The following HCN1 variants were observed in gnomAD, a reference collection of about 807,000 sequenced individuals.
HCN1 encodes the protein potassium/sodium hyperpolarization-activated cyclic nucleotide-gated channel 1.
In HCN1, 13 loss-of-function variants were observed where a neutral mutation model predicts 78.9. The observed-to-expected ratio is 0.16, with a 90% CI of 0.11 to 0.26. HCN1 has a LOEUF of 0.26. Ranked by LOEUF, HCN1 falls within the 10% of genes least tolerant of loss-of-function variation. The pLI is 1.00. For synonymous variants in HCN1, 552 were observed against 455.5 expected (o/e 1.21, Z -2.70); for missense variants, 810 against 1,154.3 (o/e 0.70, Z 4.32).
chr5:45,604,515 G>T (rs181716470), intron 2 of HCN1, among the ~76,000 whole-genome samples: 1 of 151,900 alleles, frequency 6.6e-6, no homozygotes, highest in Non-Finnish European at 1.5e-5. Flanking sequence ...GTGACAAAGC[G>T]TCTATGAACT....
At chr5:45,499,604 G>C (rs1742147339) in intron 2 of HCN1, among the ~76,000 whole-genome samples, 1 of 152,060 alleles carries the variant, frequency 6.6e-6, no homozygotes, top group Admixed American at 6.5e-5. Flanking sequence ...TGGCCATCTT[G>C]GCTCCTCCCC....
At chr5:45,574,539 T>C (rs991346074) in intron 2 of HCN1, 1 of 152,090 alleles carries the variant, frequency 6.6e-6, no homozygotes, top group African/African-American at 2.4e-5. Flanking sequence ...ACAACAATAT[T>C]GTAATTAGTC....
intron 6 of HCN1, among the ~76,000 whole-genome samples, chr5:45,298,418 C>CTGA (rs1043647711): frequency 6.6e-6 from 1 of 151,808 alleles, no homozygotes; most frequent in African/African-American, 2.4e-5. Context: ...TAATTTTAGA[C>CTGA]TGATAGGAAC....
At chr5:45,537,662 C>T (rs1222835764) in intron 2 of HCN1, among the ~76,000 whole-genome samples, 1 of 150,506 alleles carries the variant, frequency 6.6e-6, no homozygotes, top group Non-Finnish European at 1.5e-5. Flanking sequence ...CTCAACCTCC[C>T]GAGTAGCTGG....
At chr5:45,682,276 T>TATATATATATACAC (rs1424288202) in intron 1 of HCN1, among the ~76,000 whole-genome samples, 10 of 112,624 alleles carry the variant, frequency 8.9e-5, no homozygotes, top group African/African-American at 3.6e-4. Flanking sequence ...TATATACATA[T>TATATATATATACAC]ATATATATAT....
intron 4 of HCN1, among the ~76,000 whole-genome samples, chr5:45,371,087 T>C (rs1291065110): frequency 6.6e-6 from 1 of 151,916 alleles, no homozygotes; most frequent in East Asian, 1.9e-4. Context: ...AAAGCAGTCT[T>C]AAGATACAAC....
intron 1 of HCN1, among the ~76,000 whole-genome samples, chr5:45,667,774 T>C (rs1373955402): frequency 6.6e-6 from 1 of 151,972 alleles, no homozygotes; most frequent in Non-Finnish European, 1.5e-5. Context: ...AACTTGGTTG[T>C]CAAGCTACTA....
intron 2 of HCN1, among the ~76,000 whole-genome samples, chr5:45,586,127 G>T (rs952268529): frequency 6.6e-6 from 1 of 152,176 alleles, no homozygotes; most frequent in Non-Finnish European, 1.5e-5. Flanking sequence ...CAGAGGTGGA[G>T]TCTACAGAGG....
At chr5:45,388,320 C>T (rs1424447465) in intron 4 of HCN1, among the ~76,000 whole-genome samples, 1 of 152,058 alleles carries the variant, frequency 6.6e-6, no homozygotes, top group Non-Finnish European at 1.5e-5. Flanking sequence ...TCTCAGCCTC[C>T]TTGAGTAGAA....
intron 1 of HCN1, among the ~76,000 whole-genome samples, chr5:45,658,063 G>A (rs528828516): frequency 6.6e-6 from 1 of 152,274 alleles, no homozygotes; most frequent in East Asian, 1.9e-4. Flanking sequence ...GAACAGAACA[G>A]AGCCCTCAGA....
At chr5:45,457,131 G>C (rs1192688545) in intron 3 of HCN1, among the ~76,000 whole-genome samples, 1 of 151,972 alleles carries the variant, frequency 6.6e-6, no homozygotes, top group Non-Finnish European at 1.5e-5. Context: ...TTTAAAGAAA[G>C]ATTGCTCTAG....
intron 1 of HCN1, among the ~76,000 whole-genome samples, chr5:45,694,734 G>C (rs558465970): frequency 2.0e-5 from 3 of 152,188 alleles, no homozygotes; most frequent in Admixed American, 2.0e-4. Flanking sequence ...CTAATAAGAG[G>C]ATCTACTACA....
chr5:45,307,059 T>G (rs558634658), intron 5 of HCN1, among the ~76,000 whole-genome samples: 1 of 151,960 alleles, frequency 6.6e-6, no homozygotes, highest in Non-Finnish European at 1.5e-5. Context: ...AACCCCACAG[T>G]AATGAAGGTA....
chr5:45,355,210 A>C (rs973886614), intron 4 of HCN1, among the ~76,000 whole-genome samples: 7 of 152,026 alleles, frequency 4.6e-5, no homozygotes, highest in Non-Finnish European at 1.0e-4. Flanking sequence ...ACTATTTCTT[A>C]TCATTTATTC....
chr5:45,267,636 C>T (rs1341009631), intron 6 of HCN1, among the ~76,000 whole-genome samples: 1 of 151,940 alleles, frequency 6.6e-6, no homozygotes, highest in Non-Finnish European at 1.5e-5. Flanking sequence ...GGCTTGGTGG[C>T]AGGCGCCTGT....
intron 4 of HCN1, among the ~76,000 whole-genome samples, chr5:45,372,053 A>AAT (rs1747387551): frequency 1.8e-5 from 1 of 54,778 alleles, no homozygotes; most frequent in Non-Finnish European, 2.7e-5. Flanking sequence ...TTATATATAT[A>AAT]ATATAATTAT....
intron 2 of HCN1, among the ~76,000 whole-genome samples, chr5:45,524,771 G>A (rs1424340382): frequency 6.6e-6 from 1 of 152,214 alleles, no homozygotes; most frequent in African/African-American, 2.4e-5. Flanking sequence ...AGACGATGGG[G>A]TTTTCTAGAT....
intron 6 of HCN1, among the ~76,000 whole-genome samples, chr5:45,289,556 T>C (rs1229632701): frequency 1.3e-5 from 2 of 152,032 alleles, no homozygotes; most frequent in Non-Finnish European, 2.9e-5. Context: ...TGTTAGCTCA[T>C]TAATCACACC....
At chr5:45,341,082 C>G (rs1746570172) in intron 5 of HCN1, among the ~76,000 whole-genome samples, 1 of 152,040 alleles carries the variant, frequency 6.6e-6, no homozygotes, top group Non-Finnish European at 1.5e-5. Flanking sequence ...TTTATTTGAT[C>G]TTTATTCCTG....
Sources: allele counts gnomAD v4.1 joint callset (sites outside exome capture counted in the v4.1 genomes callset), GRCh38; gene constraint gnomAD v4.1.1; transcripts MANE v1.5; gene names NCBI Gene and HGNC (gene_info 2026-07-23, HGNC 2026-07-21).